The following MGAT4C variants were observed in gnomAD, a reference collection of about 807,000 sequenced individuals.
MGAT4C encodes the protein alpha-1,3-mannosyl-glycoprotein 4-beta-N-acetylglucosaminyltransferase C.
MGAT4C carries 19 observed loss-of-function variants against 40.1 expected under a neutral mutation model. The observed-to-expected ratio is 0.47, with a 90% CI of 0.33 to 0.70. The LOEUF (loss-of-function observed/expected upper bound fraction) is 0.70. Ranked by LOEUF, MGAT4C falls within the 30% of genes least tolerant of loss-of-function variation. MGAT4C has a pLI of 0.02. For synonymous variants in MGAT4C, 181 were observed against 187.1 expected (o/e 0.97, Z 0.27); for missense variants, 491 against 563.2 (o/e 0.87, Z 1.30).
chr12:86,083,830 C>T (rs1871275502), intron 1 of MGAT4C, among the ~76,000 whole-genome samples: 1 of 152,032 alleles, frequency 6.6e-6, no homozygotes, highest in Non-Finnish European at 1.5e-5. Context: ...TCTCTAGAAT[C>T]TAAGGTTGGC....
intron 3 of MGAT4C, among the ~76,000 whole-genome samples, chr12:86,353,113 T>G (rs574158846): frequency 4.6e-5 from 7 of 151,832 alleles, no homozygotes; most frequent in Non-Finnish European, 1.0e-4. Flanking sequence ...ACTGTTTCCA[T>G]TGAGCTATCA....
chr12:86,538,822 T>C (rs2136382368), intron 2 of MGAT4C, among the ~76,000 whole-genome samples: 1 of 152,146 alleles, frequency 6.6e-6, no homozygotes, highest in African/African-American at 2.4e-5. Context: ...TTAGCCAGGA[T>C]GGTCTCGATC....
At chr12:86,359,168 G>T (rs1010539915) in intron 3 of MGAT4C, among the ~76,000 whole-genome samples, 8 of 152,162 alleles carry the variant, frequency 5.3e-5, no homozygotes, top group Admixed American at 5.2e-4. Context: ...TCAGGATCAA[G>T]AAACTCACTC....
chr12:86,788,862 A>G (rs533799702), intron 1 of MGAT4C, among the ~76,000 whole-genome samples: 3 of 152,270 alleles, frequency 2.0e-5, no homozygotes, highest in Non-Finnish European at 4.4e-5. Flanking sequence ...GTGCTTGGAA[A>G]GGATTCTTGG....
At chr12:86,152,297 G>A (rs182465689) in intron 1 of MGAT4C, among the ~76,000 whole-genome samples, 3 of 152,326 alleles carry the variant, frequency 2.0e-5, no homozygotes, top group Admixed American at 6.5e-5. Flanking sequence ...AGATCAAGGC[G>A]CTGGCAGGTT....
intron 3 of MGAT4C, among the ~76,000 whole-genome samples, chr12:86,404,424 T>C (rs1372084188): frequency 6.6e-6 from 1 of 152,092 alleles, no homozygotes; most frequent in Non-Finnish European, 1.5e-5. Flanking sequence ...GGGGAGATTA[T>C]CCTGGATTAT....
At chr12:86,734,949 A>C (rs1389439789) in intron 1 of MGAT4C, among the ~76,000 whole-genome samples, 1 of 151,986 alleles carries the variant, frequency 6.6e-6, no homozygotes, top group African/African-American at 2.4e-5. Context: ...GAGTAGGAAA[A>C]CATTTAAATA....
upstream of MGAT4C, among the ~76,000 whole-genome samples, chr12:86,260,131 T>A (rs1952629530): frequency 6.6e-6 from 1 of 152,112 alleles, no homozygotes; most frequent in East Asian, 1.9e-4. Context: ...AGTTGGAGTA[T>A]CAAATAAAAA....
At chr12:86,216,591 T>C (rs1188568332) in intron 1 of MGAT4C, among the ~76,000 whole-genome samples, 1 of 152,204 alleles carries the variant, frequency 6.6e-6, no homozygotes, top group Non-Finnish European at 1.5e-5. Flanking sequence ...TGTCACTATG[T>C]ATGATGAATG....
Position 86,054,100 on chromosome 12 carries a change from C to G in MGAT4C, c.-56-4377G>C, listed in dbSNP as rs577397409. Among the ~76,000 whole-genome samples, 25 of 152,046 alleles carry G rather than the reference C, an allele frequency of 1.6e-4. No homozygotes were observed. In the South Asian group the frequency reaches 3.5e-3, roughly 21 times the overall value. ...GCCATCCCACTACTGGTTACATAATCAAATGAAATGAAATCAGTATGTCAA... is the reference window on the plus strand; with the variant it reads ...GCCATCCCACTACTGGTTACATAATGAAATGAAATGAAATCAGTATGTCAA... On this transcript the variant is annotated intron_variant, in intron 1 of 4. Transcript: ENST00000611864.
intron 1 of MGAT4C, among the ~76,000 whole-genome samples, chr12:86,791,250 A>G (rs1212722991): frequency 6.6e-6 from 1 of 152,140 alleles, no homozygotes; most frequent in Non-Finnish European, 1.5e-5. Context: ...CCAGTCACCA[A>G]TGCAGGCTCA....
chr12:86,727,369 G>A (rs1452447624), intron 1 of MGAT4C: 2 of 152,062 alleles, frequency 1.3e-5, no homozygotes, highest in Non-Finnish European at 2.9e-5. Flanking sequence ...TTTAGTGGTG[G>A]TAGTAGAGGA....
chr12:86,044,553 G>T (rs376941617), intron 2 of MGAT4C, among the ~76,000 whole-genome samples: 2 of 152,160 alleles, frequency 1.3e-5, no homozygotes, highest in East Asian at 1.9e-4. Flanking sequence ...GGACAGTGGG[G>T]TGAGTGACAG....
At chr12:86,522,519 T>C (rs371966733) in intron 2 of MGAT4C, among the ~76,000 whole-genome samples, 7 of 152,178 alleles carry the variant, frequency 4.6e-5, no homozygotes, top group African/African-American at 1.7e-4. Context: ...CTGAGGATGT[T>C]TGCATCAATA....
intron 1 of MGAT4C, among the ~76,000 whole-genome samples, chr12:86,147,348 T>C (rs1204333027): frequency 6.6e-6 from 1 of 152,130 alleles, no homozygotes; most frequent in South Asian, 2.1e-4. Context: ...TTCACGTCAT[T>C]CTCCTGCTTC....
chr12:86,145,647 C>T (rs1883414013), intron 1 of MGAT4C, among the ~76,000 whole-genome samples: 1 of 152,056 alleles, frequency 6.6e-6, no homozygotes, highest in Non-Finnish European at 1.5e-5. Flanking sequence ...TTGGGCTTAT[C>T]TAATAATCAC....
intron 1 of MGAT4C, among the ~76,000 whole-genome samples, chr12:86,143,830 T>C (rs1883175704): frequency 6.6e-6 from 1 of 152,178 alleles, no homozygotes; most frequent in South Asian, 2.1e-4. Flanking sequence ...GTTGTAGATA[T>C]TGTTGAACCC....
At chr12:86,298,297 T>A (rs2136136609) in intron 4 of MGAT4C, among the ~76,000 whole-genome samples, 1 of 152,286 alleles carries the variant, frequency 6.6e-6, no homozygotes, top group Admixed American at 6.5e-5. Flanking sequence ...AAAAATGTAT[T>A]ATTTTTCATG....
intron 3 of MGAT4C, among the ~76,000 whole-genome samples, chr12:86,363,746 G>T (rs1051646091): frequency 6.6e-6 from 1 of 151,822 alleles, no homozygotes; most frequent in Non-Finnish European, 1.5e-5. Context: ...AAGGAACAGA[G>T]GGAAAGCCAG....
Sources: gnomAD v4.1 joint callset for allele counts (sites outside exome capture counted in the v4.1 genomes callset) on GRCh38, gnomAD v4.1.1 for gene constraint, MANE v1.5 for transcripts, NCBI Gene and HGNC (gene_info 2026-07-23, HGNC 2026-07-21) for gene names.